PCDH15: variants seen among roughly 807,000 people sequenced by gnomAD.
PCDH15 encodes the protein protocadherin-15.
In PCDH15, 129 loss-of-function variants were observed where a neutral mutation model predicts 178.5. The observed-to-expected ratio is 0.72, with a 90% CI of 0.63 to 0.84. The LOEUF is 0.84. Among genes scored for constraint, PCDH15 ranks in the 40% least tolerant of loss-of-function variants. The pLI, the probability that PCDH15 is intolerant of heterozygous loss-of-function variation, is 0.00. For missense variants in PCDH15, 2,230 were observed against 2,099.9 expected (o/e 1.06, Z -1.21); for synonymous variants, 800 against 732.0 (o/e 1.09, Z -1.50).
intron 3 of PCDH15, among the ~76,000 whole-genome samples, chr10:54,472,414 A>G (rs2136711803): frequency 6.6e-6 from 1 of 152,294 alleles, no homozygotes; most frequent in African/African-American, 2.4e-5. Flanking sequence ...AGTGTGAAGA[A>G]AAGTTGCCAA....
chr10:54,277,251 C>T (rs12262899), intron 8 of PCDH15, among the ~76,000 whole-genome samples: 74,475 of 151,320 alleles, frequency 0.49, 19,335 homozygotes, highest in Middle Eastern at 0.6. Flanking sequence ...ACCTAGCATA[C>T]GCTGACTGCT....
At chr10:54,192,164 AAG>A (rs1463619674) in intron 11 of PCDH15, among the ~76,000 whole-genome samples, 1 of 143,520 alleles carries the variant, frequency 7.0e-6, no homozygotes, top group Non-Finnish European at 1.5e-5. Context: ...AAAAGAAAGA[AAG>A]AAAGAAAAAG....
chr10:53,951,205 T>A (rs2086999608), intron 23 of PCDH15, among the ~76,000 whole-genome samples: 2 of 152,184 alleles, frequency 1.3e-5, no homozygotes, highest in Non-Finnish European at 2.9e-5. Flanking sequence ...GATATGCAAT[T>A]GTAAATAGAT....
chr10:55,181,620 T>A (rs1017154214), intron 1 of PCDH15, among the ~76,000 whole-genome samples: 1 of 151,952 alleles, frequency 6.6e-6, no homozygotes, highest in Non-Finnish European at 1.5e-5. Flanking sequence ...TTTTTAAAGA[T>A]CTTGAACTGT....
chr10:55,190,625 T>C (rs1839923296), intron 1 of PCDH15, among the ~76,000 whole-genome samples: 1 of 151,848 alleles, frequency 6.6e-6, no homozygotes, highest in Non-Finnish European at 1.5e-5. Context: ...GACCAAGTGT[T>C]CTCTAAATTA....
chr10:55,057,829 T>G (rs1440365757), intron 2 of PCDH15, among the ~76,000 whole-genome samples: 3 of 152,242 alleles, frequency 2.0e-5, no homozygotes, highest in African/African-American at 7.2e-5. Flanking sequence ...CTCATCTTAT[T>G]GTTATACCTA....
intron 8 of PCDH15, among the ~76,000 whole-genome samples, chr10:54,276,965 A>G (rs2058383933): frequency 6.6e-6 from 1 of 151,654 alleles, no homozygotes; most frequent in Non-Finnish European, 1.5e-5. Flanking sequence ...AGAGGGTGAT[A>G]GCTACAATTG....
intron 3 of PCDH15, among the ~76,000 whole-genome samples, chr10:54,869,926 T>C (rs949002541): frequency 6.6e-6 from 1 of 152,158 alleles, no homozygotes; most frequent in African/African-American, 2.4e-5. Context: ...TCCCTAGCAA[T>C]ACTCCATCCG....
intron 2 of PCDH15, among the ~76,000 whole-genome samples, chr10:55,627,376 A>G (rs1240777737): frequency 1.3e-5 from 2 of 152,154 alleles, no homozygotes; most frequent in Non-Finnish European, 2.9e-5. Context: ...CAAGGTATCA[A>G]CTTCCCCGAG....
At chr10:55,076,789 A>AGATG (rs1193431370) in intron 2 of PCDH15, among the ~76,000 whole-genome samples, 5 of 74,300 alleles carry the variant, frequency 6.7e-5, no homozygotes, top group Admixed American at 5.8e-4. Context: ...TTTTTTTTTG[A>AGATG]GATGGAGTCT....
At chr10:54,948,151 A>C (rs1838237666) in intron 2 of PCDH15, among the ~76,000 whole-genome samples, 1 of 151,976 alleles carries the variant, frequency 6.6e-6, no homozygotes, top group Admixed American at 6.6e-5. Context: ...AGGATGTAGC[A>C]TATGCAAGTT....
intron 10 of PCDH15, among the ~76,000 whole-genome samples, chr10:54,209,806 G>C (rs1031118802): frequency 9.9e-5 from 15 of 151,984 alleles, no homozygotes; most frequent in Admixed American, 2.0e-4. Context: ...TTGAATCAGG[G>C]TGTTCTCTTA....
chr10:54,937,829 G>T (rs1411102739), intron 2 of PCDH15, among the ~76,000 whole-genome samples: 1 of 151,896 alleles, frequency 6.6e-6, no homozygotes, highest in African/African-American at 2.4e-5. Flanking sequence ...CTTATTCCAA[G>T]ACTTTATTTT....
At chr10:54,561,980 CTTTTTTTTT>C (rs575547228) in intron 2 of PCDH15, among the ~76,000 whole-genome samples, 5,206 of 75,346 alleles carry the variant, frequency 0.069, 203 homozygotes, top group Non-Finnish European at 0.096. Context: ...CCGCACCCAG[CTTTTTTTTT>C]TTTTTTTTTT....
At chr10:55,453,490 T>C in intron 2 of PCDH15, among the ~76,000 whole-genome samples, 1 of 152,150 alleles carries the variant, frequency 6.6e-6, no homozygotes, top group Middle Eastern at 3.2e-3. Context: ...CATGCCTACC[T>C]CTTCTCCAGC....
At chr10:55,376,901 G>C (rs762232134) in intron 2 of PCDH15, among the ~76,000 whole-genome samples, 3 of 151,952 alleles carry the variant, frequency 2.0e-5, no homozygotes, top group Admixed American at 6.6e-5. Context: ...AATGTAAATA[G>C]AATAGTCTAG....
At chr10:54,052,718 A>C (rs1263141855) in intron 18 of PCDH15, among the ~76,000 whole-genome samples, 1 of 152,048 alleles carries the variant, frequency 6.6e-6, no homozygotes, top group Non-Finnish European at 1.5e-5. Context: ...AAATGTGAGG[A>C]CATGAGGTTT....
rs777121468 is a variant in PCDH15 at position 53,809,244 on chromosome 10, G to A, written c.4671+1312C>T. 5 of 1,613,856 alleles carry A rather than the reference G, an allele frequency of 3.1e-6. No homozygotes were observed. The East Asian group carries it at 1.1e-4, about 36-fold the overall frequency. ...CACTGTATTCAGTATAGTCGCTGGA[G>A]GATTCCTCCTCTGATTCTACAGTGC... On this transcript the variant is annotated intron_variant, in intron 37 of 37. Transcript: ENST00000644397.
At chr10:55,267,653 C>A (rs1003793596) in intron 1 of PCDH15, among the ~76,000 whole-genome samples, 23 of 152,154 alleles carry the variant, frequency 1.5e-4, no homozygotes, top group Non-Finnish European at 2.8e-4. Context: ...TATTCAAATG[C>A]ATGTTTTTCT....
Sources: gnomAD v4.1 joint callset for allele counts (sites outside exome capture counted in the v4.1 genomes callset) on GRCh38, gnomAD v4.1.1 for gene constraint, MANE v1.5 for transcripts, NCBI Gene and HGNC (gene_info 2026-07-23, HGNC 2026-07-21) for gene names.